FAM178B: variants seen among roughly 807,000 people sequenced by gnomAD.
FAM178B encodes the protein family with sequence similarity 178 member B, also known as protein FAM178B.
In FAM178B, 82 loss-of-function variants were observed where a neutral mutation model predicts 91.7. The ratio of observed to expected loss-of-function variants is 0.89; its 90% confidence interval spans 0.75 to 1.07. The LOEUF (loss-of-function observed/expected upper bound fraction) is 1.07. Among genes scored for constraint, FAM178B ranks in the 50% least tolerant of loss-of-function variants. The pLI is 0.00. For missense variants in FAM178B, 769 were observed against 846.7 expected, an observed-to-expected ratio of 0.91 and a Z score of 1.14; for synonymous variants, 368 against 359.4, an observed-to-expected ratio of 1.02 and a Z score of -0.27.
chr2:96,895,973 G>A (rs150993613), intron 13 of FAM178B, among the ~76,000 whole-genome samples: 1 of 152,340 alleles, frequency 6.6e-6, no homozygotes, highest in Admixed American at 6.5e-5. Context: ...CTTTTGGGAG[G>A]GGGGAGGAAG....
chr2:96,929,759 C>T (rs1490719148), intron 8 of FAM178B, among the ~76,000 whole-genome samples: 2 of 152,266 alleles, frequency 1.3e-5, no homozygotes, highest in Non-Finnish European at 2.9e-5. Context: ...GCAGCCTCTG[C>T]AGCACTCTTG....
intron 6 of FAM178B, among the ~76,000 whole-genome samples, chr2:96,952,846 T>G (rs4907207): frequency 0.011 from 1,712 of 152,308 alleles, 132 homozygotes; most frequent in Admixed American, 0.1. Flanking sequence ...TTCTTTTTAA[T>G]GGCCCAAATG....
In FAM178B at chr2:96,878,418, A is replaced by T; in HGVS notation, c.1852T>A (p.Trp618Arg). ...GCCCTGCCCCTTGGGAGACTCACCC[A>T]CTGGTCTGGAGTGATGTCCTGGCAG... ...VSCQDITPDQWGELQLLCMQL... is the reference protein window; with the variant it reads ...VSCQDITPDQRGELQLLCMQL... The change falls in exon 15 of 17, where the codon TGG becomes AGG. Residue 618 changes from tryptophan to arginine, a missense_variant and splice_region_variant. Physicochemically the swap from Trp to Arg is moderately radical, Grantham distance 101 (BLOSUM62 -3). Coordinates refer to ENST00000490605, the MANE Select transcript of FAM178B (RefSeq NM_001122646.3). 1 of 1,613,802 alleles carries T rather than the reference A, an allele frequency of 6.2e-7. No individual in the cohort carries two copies. The highest frequency in any genetic ancestry group is 8.5e-7 in the Non-Finnish European group (1 of 1,179,902).
At chr2:96,921,013 C>T (rs2081328448) in intron 12 of FAM178B, among the ~76,000 whole-genome samples, 152 bp downstream of exon 12, 1 of 152,080 alleles carries the variant, frequency 6.6e-6, no homozygotes, top group Admixed American at 6.5e-5. Flanking sequence ...GTAAAGAACT[C>T]ATTAGTGAGT....
chr2:96,959,199 G>GAAAAAAA (rs57498168), intron 6 of FAM178B, among the ~76,000 whole-genome samples: 1 of 82,122 alleles, frequency 1.2e-5, no homozygotes, highest in African/African-American at 3.2e-5. Flanking sequence ...ACTCAGTTTT[G>GAAAAAAA]AAAAAAAAAA....
At position 96,972,094 on chromosome 2, in the gene FAM178B, T is replaced by C. The variant is rs945321335; in HGVS notation, c.371A>G (p.Gln124Arg). 3 of 1,527,838 alleles carry C rather than the reference T, an allele frequency of 2.0e-6. No individual in the cohort carries two copies. Among genetic ancestry groups the C allele is most frequent in the Non-Finnish European group, 2.6e-6 (3 of 1,135,584 alleles). The allele number at this position is 1,527,838 out of a possible 1,614,324, so 94.6% of individuals were successfully genotyped here. A position where few individuals can be genotyped will look rare whatever the true frequency, so the allele number is the denominator to read the frequency against. ...CTGGGCCGGGGCCTCCCGACTGGCC[T>C]GCAGCACCCTCGGGTTGAGGAATTC... ...PVEFLNPRVL[Q>R]ASREAPAQRW... The change falls in exon 3 of 17, where the codon CAG becomes CGG. Residue 124 changes from glutamine to arginine, a missense_variant. Coordinates refer to ENST00000490605, the MANE Select transcript of FAM178B (RefSeq NM_001122646.3).
chr2:96,980,851 A>G (rs563593399), intron 1 of FAM178B, among the ~76,000 whole-genome samples: 12 of 150,780 alleles, frequency 8.0e-5, no homozygotes, highest in African/African-American at 2.2e-4. Context: ...TAAAGTGCCA[A>G]TTCAAGTCTA....
At chr2:96,956,615 C>G (rs2082003661) in intron 6 of FAM178B, 1 of 152,170 alleles carries the variant, frequency 6.6e-6, no homozygotes. Context: ...ATTTACTTTC[C>G]TCTCTTCTAA....
chr2:96,960,961 A>G (rs942425648), intron 5 of FAM178B, among the ~76,000 whole-genome samples: 49 of 152,094 alleles, frequency 3.2e-4, no homozygotes, highest in African/African-American at 9.9e-4. Context: ...GAGGGTCTTG[A>G]GCCCATATGA....
intron 14 of FAM178B, among the ~76,000 whole-genome samples, chr2:96,881,970 AT>A (rs1179809649): frequency 6.6e-6 from 1 of 151,994 alleles, no homozygotes; most frequent in South Asian, 2.1e-4. Flanking sequence ...ATTTAAGGAG[AT>A]TGGTGGCTGT....
intron 5 of FAM178B, among the ~76,000 whole-genome samples, chr2:96,961,252 C>T (rs2082076599): frequency 6.6e-6 from 1 of 152,088 alleles, no homozygotes; most frequent in Non-Finnish European, 1.5e-5. Context: ...GCTAAATCTA[C>T]ATAAAGAAGG....
At chr2:96,910,035 C>T (rs776989003) in intron 12 of FAM178B, among the ~76,000 whole-genome samples, 2 of 152,212 alleles carry the variant, frequency 1.3e-5, no homozygotes, top group Non-Finnish European at 2.9e-5. Flanking sequence ...ACAGCCTCTA[C>T]CAAATGCCCA....
chr2:96,933,342 T>C (rs547706205), intron 8 of FAM178B, among the ~76,000 whole-genome samples: 2 of 152,292 alleles, frequency 1.3e-5, no homozygotes, highest in African/African-American at 4.8e-5. Context: ...GGCGTCCCTT[T>C]AGGTTACCCT....
chr2:96,902,689 G>C lies in FAM178B; in HGVS notation c.1581C>G (p.Leu527=), dbSNP rs1487046965. 1.9e-6 allele frequency: 3 copies of C among 1,550,674 alleles called. No individual in the cohort carries two copies. The South Asian group carries it at 3.6e-5, about 18-fold the overall frequency. The part of the protein sequence containing the change: ...TSRSRRLRSQ[L]SLVVIARMLG... ...GCATTCGAGCAATGACCACAAGGCT[G>C]AGCTGGCTTCGAAGCCGCCTGGGGG... Residue 527 remains leucine (L), a synonymous_variant, in exon 13 of 17, where the codon CTC becomes CTG. Transcript: ENST00000490605.
intron 13 of FAM178B, 46 bp downstream of exon 13, chr2:96,902,574 C>T: frequency 1.5e-6 from 2 of 1,358,316 alleles, no homozygotes; most frequent in Non-Finnish European, 2.1e-6. Flanking sequence ...GCCTCCAGAG[C>T]CCGCAGGCCA....
intron 14 of FAM178B, 55 bp downstream of exon 14, chr2:96,893,871 T>C: frequency 6.3e-7 from 1 of 1,579,042 alleles, no homozygotes; most frequent in Non-Finnish European, 8.6e-7. Flanking sequence ...CTTTCCCTGC[T>C]ACCTGTGGTG....
At chr2:96,978,369 C>A (rs768495720) in intron 1 of FAM178B, among the ~76,000 whole-genome samples, 1 of 152,124 alleles carries the variant, frequency 6.6e-6, no homozygotes, top group East Asian at 1.9e-4. Context: ...GGTGAGGTTT[C>A]GGCTTTTAGT....
chr2:96,877,979 G>A lies in FAM178B; in HGVS notation c.1918C>T (p.Pro640Ser), dbSNP rs747679395. The change falls in exon 16 of 17, where the codon CCC becomes TCC. Residue 640 changes from proline to serine, a missense_variant. Coordinates refer to ENST00000490605, the MANE Select transcript of FAM178B (RefSeq NM_001122646.3). The part of the protein sequence containing the change: ...RHISTQIRES[P>S]QAMHRTMLKD... Reference sequence around the variant, plus strand: ...AGCATGGTGCGGTGCATGGCCTGGGGGCTCTCCCGGATCTGCGTGCTGATG... The same window carrying A: ...AGCATGGTGCGGTGCATGGCCTGGGAGCTCTCCCGGATCTGCGTGCTGATG... 6.2e-6 allele frequency: 10 copies of A among 1,613,468 alleles called. No individual in the cohort carries two copies. The African/African-American group carries it at 1.2e-4, about 19-fold the overall frequency.
intron 12 of FAM178B, among the ~76,000 whole-genome samples, chr2:96,904,263 G>A (rs541321223): frequency 2.5e-4 from 38 of 152,306 alleles, no homozygotes; most frequent in South Asian, 6.2e-4. Context: ...AGTCCTACGG[G>A]GGGGTGTTGT....
Sources: allele counts gnomAD v4.1 joint callset (sites outside exome capture counted in the v4.1 genomes callset), GRCh38; gene constraint gnomAD v4.1.1; transcripts MANE v1.5; gene names NCBI Gene and HGNC (gene_info 2026-07-23, HGNC 2026-07-21).